Variants in SHISA6 observed in about 807,000 individuals in gnomAD.
SHISA6 encodes protein shisa-6.
Under a neutral mutation model 47.9 loss-of-function variants are expected in SHISA6, and 22 were observed. The ratio of observed to expected loss-of-function variants is 0.46; its 90% confidence interval spans 0.33 to 0.66. The LOEUF (loss-of-function observed/expected upper bound fraction) is 0.66. SHISA6 is among the 30% of genes least tolerant of loss of function. The pLI is 0.02. For missense variants in SHISA6, 680 were observed against 764.6 expected (o/e 0.89, Z 1.30); for synonymous variants, 388 against 337.8 (o/e 1.15, Z -1.63).
intron 2 of SHISA6, among the ~76,000 whole-genome samples, chr17:11,332,238 T>C (rs1227551691): frequency 3.9e-4 from 6 of 15,532 alleles, no homozygotes; most frequent in South Asian, 8.9e-3. Flanking sequence ...AGCGCCAGCG[T>C]TGGGGAAAAA....
chr17:11,302,627 C>T (rs1341195411), intron 2 of SHISA6, among the ~76,000 whole-genome samples: 1 of 152,162 alleles, frequency 6.6e-6, no homozygotes, highest in East Asian at 1.9e-4. Flanking sequence ...GAGGAAATAG[C>T]CTGAGTGCAT....
At chr17:11,376,408 C>T (rs1912803228) in intron 2 of SHISA6, among the ~76,000 whole-genome samples, 1 of 151,928 alleles carries the variant, frequency 6.6e-6, no homozygotes, top group Non-Finnish European at 1.5e-5. Flanking sequence ...ACCTCCACCT[C>T]CCAGGTTCAA....
At chr17:11,422,203 G>A (rs555240683) in intron 3 of SHISA6, among the ~76,000 whole-genome samples, 2 of 152,282 alleles carry the variant, frequency 1.3e-5, no homozygotes, top group South Asian at 2.1e-4. Context: ...ATTCCCCATC[G>A]CTCCACCTGC....
intron 3 of SHISA6, among the ~76,000 whole-genome samples, chr17:11,535,556 C>A (rs369597069): frequency 3.3e-5 from 5 of 152,272 alleles, no homozygotes; most frequent in African/African-American, 9.6e-5. Context: ...GCAGTGTGAA[C>A]CTTTGTCCAA....
chr17:11,558,846 T>C lies in SHISA6; in HGVS notation c.*542T>C. The stretch of plus-strand genomic sequence containing the variant: ...CAGAGCCAGGGAGCTGCTGTGTCCA[T>C]AAGCACAATAATGATTCTTTTCTTG... On this transcript the variant is annotated 3_prime_UTR_variant, in exon 6 of 6. Transcript: ENST00000441885. 1 of 161,074 alleles carries C rather than the reference T, an allele frequency of 6.2e-6. No individual in the cohort carries two copies. Among genetic ancestry groups the C allele is most frequent in the Admixed American group, 5.9e-5 (1 of 16,898 alleles). 10.0% of individuals were successfully genotyped at this position (161,074 alleles called of 1,614,324 possible).
chr17:11,267,596 A>C (rs1908473674), intron 2 of SHISA6, among the ~76,000 whole-genome samples: 1 of 152,248 alleles, frequency 6.6e-6, no homozygotes, highest in African/African-American at 2.4e-5. Context: ...TCTCCTGTCC[A>C]GAAAACTTTG....
At chr17:11,267,802 C>G (rs1908482666) in intron 2 of SHISA6, among the ~76,000 whole-genome samples, 1 of 152,242 alleles carries the variant, frequency 6.6e-6, no homozygotes, top group African/African-American at 2.4e-5. Flanking sequence ...TCAGGCTTAT[C>G]TGAGAGAGGG....
At chr17:11,284,757 C>T (rs989869117) in intron 2 of SHISA6, among the ~76,000 whole-genome samples, 12 of 152,292 alleles carry the variant, frequency 7.9e-5, no homozygotes, top group Admixed American at 4.6e-4. Flanking sequence ...ACTTCTATAG[C>T]ACTTTATATT....
At chr17:11,469,627 C>T (rs1915890867) in intron 3 of SHISA6, among the ~76,000 whole-genome samples, 2 of 152,134 alleles carry the variant, frequency 1.3e-5, no homozygotes, top group South Asian at 2.1e-4. Context: ...AAATGAGCCT[C>T]GTGGGAGGTG....
chr17:11,263,245 G>A (rs1206608725), intron 1 of SHISA6, 121 bp from the exon 2 acceptor site: 2 of 1,041,384 alleles, frequency 1.9e-6, no homozygotes. Context: ...AGAGCTGAAT[G>A]CTGTCTCTGT....
intron 2 of SHISA6, among the ~76,000 whole-genome samples, chr17:11,266,865 A>G (rs751947454): frequency 2.6e-5 from 4 of 152,184 alleles, no homozygotes; most frequent in Non-Finnish European, 5.9e-5. Flanking sequence ...TGGGGATGAA[A>G]GGAATTTGTG....
rs1002610348 is a variant in SHISA6, at chr17:11,241,896, G to A, written c.474G>A (p.Val158=). 1 of 1,551,054 alleles carries A rather than the reference G, an allele frequency of 6.4e-7. No homozygotes were observed. The highest frequency in any genetic ancestry group is 1.4e-5 in the African/African-American group (1 of 73,064). The change falls in exon 1 of 6, where the codon GTG becomes GTA. Residue 158 remains valine, a synonymous_variant. Transcript: ENST00000441885. The surrounding 1 kb of genome is among the most constrained non-coding windows in gnomAD (Gnocchi z 5.5). ...PVWVQTPSTK[V]VSPGPENKYD... ...GGGTACAGACGCCCAGCACCAAGGT[G>A]GTGTCGCCGGGGCCCGAGAACAAGT...
chr17:11,503,172 GTGACTTGAC>G (rs2071469591), intron 3 of SHISA6, among the ~76,000 whole-genome samples: 1 of 152,174 alleles, frequency 6.6e-6, no homozygotes, highest in Non-Finnish European at 1.5e-5. Flanking sequence ...GAGAGGTTAA[GTGACTTGAC>G]TGAGATCGCT....
Position 11,560,986 on chromosome 17 carries a change from A to G in SHISA6, c.*2682A>G, listed in dbSNP as rs1027238565. On this transcript the variant is annotated 3_prime_UTR_variant, in exon 6 of 6. Transcript: ENST00000441885. The stretch of plus-strand genomic sequence containing the variant: ...AGAGATAGGTCTACAGACTTGCTCC[A>G]ATTCAGTCCCACATTTCAAAATCCA... 1 of 152,228 alleles carries G rather than the reference A, an allele frequency of 6.6e-6. No homozygotes were observed. The highest frequency in any genetic ancestry group is 1.5e-5 in the Non-Finnish European group (1 of 68,046). The allele number at this position is 152,228 out of a possible 1,614,324, so 9.4% of individuals were successfully genotyped here. A position where few individuals can be genotyped will look rare whatever the true frequency, so the allele number is the denominator to read the frequency against.
At chr17:11,544,501 A>AT (rs1353241435) in intron 3 of SHISA6, among the ~76,000 whole-genome samples, 1 of 152,228 alleles carries the variant, frequency 6.6e-6, no homozygotes, top group African/African-American at 2.4e-5. Flanking sequence ...CCACAATGAG[A>AT]TATCGCTACA....
chr17:11,326,145 C>T (rs1006940868), intron 2 of SHISA6, among the ~76,000 whole-genome samples: 1 of 152,058 alleles, frequency 6.6e-6, no homozygotes, highest in Admixed American at 6.6e-5. Flanking sequence ...GTGGCATGCA[C>T]CTGTAGTCCC....
intron 2 of SHISA6, among the ~76,000 whole-genome samples, chr17:11,300,253 G>A (rs1160882714): frequency 6.6e-6 from 1 of 151,982 alleles, no homozygotes; most frequent in Non-Finnish European, 1.5e-5. Context: ...GCATTTTTCT[G>A]TTTACCACAA....
chr17:11,492,495 C>T (rs1448197908), intron 3 of SHISA6, among the ~76,000 whole-genome samples: 1 of 152,144 alleles, frequency 6.6e-6, no homozygotes, highest in East Asian at 1.9e-4. Context: ...TTTAATTTCT[C>T]TAAGCCCCCA....
intron 2 of SHISA6, among the ~76,000 whole-genome samples, chr17:11,342,284 T>C (rs1419639104): frequency 6.6e-6 from 1 of 151,894 alleles, no homozygotes; most frequent in African/African-American, 2.4e-5. Flanking sequence ...GGGCAGTCTG[T>C]GAGCAGGGAG....
Sources: gnomAD v4.1 joint callset for allele counts (sites outside exome capture counted in the v4.1 genomes callset) on GRCh38, gnomAD v4.1.1 for gene constraint, Gnocchi (gnomAD v3.1) non-coding constraint, MANE v1.5 for transcripts, NCBI Gene and HGNC (gene_info 2026-07-23, HGNC 2026-07-21) for gene names.